The following HSD17B8 variants were observed in gnomAD, a reference collection of about 807,000 sequenced individuals.
HSD17B8 encodes (3R)-3-hydroxyacyl-CoA dehydrogenase.
A neutral mutation model predicts 33.2 loss-of-function variants in HSD17B8; 23 were observed. That is an observed-to-expected ratio of 0.69 (90% CI 0.50 to 0.98). The LOEUF (loss-of-function observed/expected upper bound fraction) is 0.98, where lower values mean the gene tolerates loss of function less well. HSD17B8 is among the 50% of genes least tolerant of loss of function. The pLI, the probability that HSD17B8 is intolerant of heterozygous loss-of-function variation, is 0.00. For missense variants in HSD17B8, 345 were observed against 347.5 expected, an observed-to-expected ratio of 0.99 and a Z score of 0.06; for synonymous variants, 137 against 138.6, an observed-to-expected ratio of 0.99 and a Z score of 0.08.
In HSD17B8 at chr6:33,206,821, C is replaced by A; in HGVS notation, c.*167C>A. The A allele has an allele frequency of 1.4e-6, 1 of 711,628 alleles. No individual in the cohort carries two copies. The allele number at this position is 711,628 out of a possible 1,614,324, so 44.1% of individuals were successfully genotyped here. ...GTGACCCTAATAAATTCCAAGTCCTCTTCCCTGCCACCTCCGGCTCTTCTT... is the reference window on the plus strand; with the variant it reads ...GTGACCCTAATAAATTCCAAGTCCTATTCCCTGCCACCTCCGGCTCTTCTT... On this transcript the variant is annotated 3_prime_UTR_variant, in exon 9 of 9. Coordinates refer to ENST00000374662, the MANE Select transcript of HSD17B8 (RefSeq NM_014234.5). The surrounding 1 kb of genome is among the most constrained non-coding windows in gnomAD (Gnocchi z 6.2).
At position 33,205,139 on chromosome 6, in the gene HSD17B8, C is replaced by G. The variant is rs762139963; in HGVS notation, c.270+20C>G. The stretch of plus-strand genomic sequence containing the variant: ...GTGCAGGTGAACGCTAGGCCACTTT[C>G]CCCCTCTAAAGCTCTGATATTGCCT... On this transcript the variant is annotated intron_variant, in intron 2 of 8. Coordinates refer to ENST00000374662, the MANE Select transcript of HSD17B8 (RefSeq NM_014234.5). This position sits in a 1 kb window ranked among gnomAD's most constrained non-coding sequence, Gnocchi z 5.0. 4 of 1,582,520 alleles carry G rather than the reference C, an allele frequency of 2.5e-6. No individual in the cohort carries two copies. The highest frequency in any genetic ancestry group is 2.2e-5 in the East Asian group (1 of 44,552).
At position 33,204,705 on chromosome 6, in the gene HSD17B8, C is replaced by G. The variant is rs759984516; in HGVS notation, c.37C>G (p.Leu13Val). ...GCTCCAGAACCGACTCCGCTCCGCA[C>G]TGGCCTTGGTCACAGGTTGAGGGGG... Reference protein sequence around the residue: ...SQLQNRLRSALALVTGAGSGI... With the variant: ...SQLQNRLRSAVALVTGAGSGI... The change falls in exon 1 of 9, where the codon CTG (leucine) becomes GTG (valine). Residue 13 changes from leucine to valine, a missense_variant. By Grantham distance (32) the Leu-to-Val change is conservative (BLOSUM62 1). Transcript: ENST00000374662. The G allele has an allele frequency of 6.2e-7, 1 of 1,613,094 alleles. No homozygotes were observed. Among genetic ancestry groups the G allele is most frequent in the Non-Finnish European group, 8.5e-7 (1 of 1,180,026 alleles).
In HSD17B8 at chr6:33,205,895, C is replaced by T; in HGVS notation, c.634C>T (p.Gln212Ter). ...AACACCCATGACACAGAAAGTGCCA[C>T]AGAAAGTGGTGGACAAGGTAGGAGG... ...IATPMTQKVP[Q>*]KVVDKITEMI... is the part of the protein sequence containing the mutation. The change falls in exon 6 of 9, where the codon CAG becomes TAG. Residue 212 changes from glutamine (Q) to a stop codon, truncating the protein, a stop_gained. Transcript: ENST00000374662. LOFTEE classifies it high-confidence loss of function. This position sits in a 1 kb window ranked among gnomAD's most constrained non-coding sequence, Gnocchi z 5.0. 6.2e-7 allele frequency: 1 copy of T among 1,612,658 alleles called. No homozygotes were observed. The highest frequency in any genetic ancestry group is 8.5e-7 in the Non-Finnish European group (1 of 1,179,828).
Position 33,205,927 on chromosome 6 carries a change from G to C in HSD17B8, c.651+15G>C. The C allele has an allele frequency of 6.3e-7, 1 of 1,595,250 alleles. No individual in the cohort carries two copies. Among genetic ancestry groups the C allele is most frequent in the Non-Finnish European group, 8.6e-7 (1 of 1,163,930 alleles). On this transcript the variant is annotated intron_variant, in intron 6 of 8. Transcript: ENST00000374662. The surrounding 1 kb of genome is among the most constrained non-coding windows in gnomAD (Gnocchi z 5.0). ...TGGTGGACAAGGTAGGAGGCTGTGGGTGGAGGGCAGAATCATTCAGAGACT... is the reference window on the plus strand; with the variant it reads ...TGGTGGACAAGGTAGGAGGCTGTGGCTGGAGGGCAGAATCATTCAGAGACT...
chr6:33,205,923 G>A lies in HSD17B8; in HGVS notation c.651+11G>A. The stretch of plus-strand genomic sequence containing the variant: ...AAAGTGGTGGACAAGGTAGGAGGCT[G>A]TGGGTGGAGGGCAGAATCATTCAGA... On this transcript the variant is annotated intron_variant, in intron 6 of 8. Transcript: ENST00000374662. This position sits in a 1 kb window ranked among gnomAD's most constrained non-coding sequence, Gnocchi z 5.0. 1 of 1,601,434 alleles carries A rather than the reference G, an allele frequency of 6.2e-7. No individual in the cohort carries two copies. The highest frequency in any genetic ancestry group is 8.6e-7 in the Non-Finnish European group (1 of 1,169,478).
chr6:33,204,768 C>T (rs777007739), intron 1 of HSD17B8, 48 bp downstream of exon 1: 14 of 1,608,544 alleles, frequency 8.7e-6, no homozygotes, highest in Non-Finnish European at 1.2e-5. Flanking sequence ...GGAGTGAGGT[C>T]AGGGGCGTGC....
Position 33,206,299 on chromosome 6 carries a change from C to A in HSD17B8, c.695-76C>A. On this transcript the variant is annotated intron_variant, in intron 7 of 8. Transcript: ENST00000374662. The surrounding 1 kb of genome is among the most constrained non-coding windows in gnomAD (Gnocchi z 6.2). The stretch of plus-strand genomic sequence containing the variant: ...TGGAGAGGTTTGTGGGGAGGGATGT[C>A]TTTGGTGGGAGATTATGGCTGTTTT... 1 of 1,557,008 alleles carries A rather than the reference C, an allele frequency of 6.4e-7. No homozygotes were observed. The highest frequency in any genetic ancestry group is 8.9e-7 in the Non-Finnish European group (1 of 1,129,696).
chr6:33,205,248 G>T lies in HSD17B8; in HGVS notation c.298G>T (p.Val100Phe), dbSNP rs759065768. ...CTGCTTTTCTCGCCCACCATCTGTC[G>T]TTGTGTCCTGTGCGGGCATCACCCA... ...QACFSRPPSV[V>F]VSCAGITQDE... is the part of the protein sequence containing the mutation. Residue 100 changes from valine to phenylalanine, a missense_variant, in exon 3 of 9, where the codon GTT (valine) becomes TTT (phenylalanine). Physicochemically the swap from Val to Phe is conservative, Grantham distance 50. Coordinates refer to ENST00000374662, the MANE Select transcript of HSD17B8 (RefSeq NM_014234.5). The surrounding 1 kb of genome is among the most constrained non-coding windows in gnomAD (Gnocchi z 5.0). 3.1e-6 allele frequency: 5 copies of T among 1,612,560 alleles called. No homozygotes were observed. Among genetic ancestry groups the T allele is most frequent in the Middle Eastern group, 1.6e-4 (1 of 6,062 alleles).
chr6:33,205,891 G>A lies in HSD17B8; in HGVS notation c.630G>A (p.Val210=). The A allele has an allele frequency of 6.2e-7, 1 of 1,612,800 alleles. No homozygotes were observed. Among genetic ancestry groups the A allele is most frequent in the Non-Finnish European group, 8.5e-7 (1 of 1,179,856 alleles). Residue 210 remains valine, a synonymous_variant, in exon 6 of 9, where the codon GTG becomes GTA. Coordinates refer to ENST00000374662, the MANE Select transcript of HSD17B8 (RefSeq NM_014234.5). This position sits in a 1 kb window ranked among gnomAD's most constrained non-coding sequence, Gnocchi z 5.0. ...TTGCAACACCCATGACACAGAAAGT[G>A]CCACAGAAAGTGGTGGACAAGGTAG... The part of the protein sequence containing the change: ...GFIATPMTQK[V]PQKVVDKITE...
At position 33,205,398 on chromosome 6, in the gene HSD17B8, G is replaced by C; in HGVS notation, c.388-49G>C. 1 of 1,606,352 alleles carries C rather than the reference G, an allele frequency of 6.2e-7. No homozygotes were observed. ...TAGCCTGGGGAGGGAGTTGGAGGAG[G>C]GCTGTCACCCCAGCTGATCTTTTCT... On this transcript the variant is annotated intron_variant, in intron 3 of 8. Coordinates refer to ENST00000374662, the MANE Select transcript of HSD17B8 (RefSeq NM_014234.5). This position sits in a 1 kb window ranked among gnomAD's most constrained non-coding sequence, Gnocchi z 5.0.
In HSD17B8 at chr6:33,205,519, A is replaced by G; in HGVS notation, c.460A>G (p.Ile154Val). ...TGGTTGTCGTGGTTCCATCATCAAC[A>G]TCAGTAGCATCGTAGGAAAGGTCAG... is the stretch of plus-strand genomic sequence containing the variant. ...SNGCRGSIINISSIVGKVGNV... is the reference protein window; with the variant it reads ...SNGCRGSIINVSSIVGKVGNV... The change falls in exon 4 of 9, where the codon ATC (isoleucine) becomes GTC (valine). Residue 154 changes from isoleucine (I) to valine (V), a missense_variant. Ile to Val is a conservative substitution (Grantham distance 29). Coordinates refer to ENST00000374662, the MANE Select transcript of HSD17B8 (RefSeq NM_014234.5). The surrounding 1 kb of genome is among the most constrained non-coding windows in gnomAD (Gnocchi z 5.0). 1 of 1,613,042 alleles carries G rather than the reference A, an allele frequency of 6.2e-7. No individual in the cohort carries two copies. Among genetic ancestry groups the G allele is most frequent in the Non-Finnish European group, 8.5e-7 (1 of 1,179,988 alleles).
chr6:33,206,267 G>T lies in HSD17B8; in HGVS notation c.694+91G>T, dbSNP rs1775056189. The stretch of plus-strand genomic sequence containing the variant: ...GGATTTTCTAGGGGACTGGTGGTTG[G>T]TGTCTGTGGAGAGGTTTGTGGGGAG... On this transcript the variant is annotated intron_variant, in intron 7 of 8. Coordinates refer to ENST00000374662, the MANE Select transcript of HSD17B8 (RefSeq NM_014234.5). The surrounding 1 kb of genome is among the most constrained non-coding windows in gnomAD (Gnocchi z 6.2). 6.4e-7 allele frequency: 1 copy of T among 1,556,928 alleles called. No individual in the cohort carries two copies. The highest frequency in any genetic ancestry group is 1.7e-5 in the Admixed American group (1 of 59,592).
In HSD17B8 at chr6:33,206,407, G is replaced by GA. The variant is rs1168518494; in HGVS notation, c.729dup (p.Asp244ArgfsTer2). 3 of 1,614,022 alleles carry GA rather than the reference G, an allele frequency of 1.9e-6. No homozygotes were observed. The highest frequency in any genetic ancestry group is 2.5e-6 in the Non-Finnish European group (3 of 1,180,010). ...AGATGTGGTCGCATTCTTGGCATCT[G>GA]AAGATAGTGGATACATCACAGGGAC... On this transcript the variant is annotated frameshift_variant, in exon 8 of 9. Transcript: ENST00000374662. LOFTEE classifies it high-confidence loss of function. This position sits in a 1 kb window ranked among gnomAD's most constrained non-coding sequence, Gnocchi z 6.2.
In HSD17B8 at chr6:33,205,092, C is replaced by T. The variant is rs758449941; in HGVS notation, c.243C>T (p.Ala81=). The change falls in exon 2 of 9, where the codon GCC becomes GCT. Residue 81 remains alanine (A), a synonymous_variant. Transcript: ENST00000374662. The surrounding 1 kb of genome is among the most constrained non-coding windows in gnomAD (Gnocchi z 5.0). ...AFQADVSEAR[A]ARCLLEQVQA... ...AGGCTGACGTGTCTGAGGCCAGGGCCGCCAGGTGCCTGCTGGAACAAGTGC... is the reference window on the plus strand; with the variant it reads ...AGGCTGACGTGTCTGAGGCCAGGGCTGCCAGGTGCCTGCTGGAACAAGTGC... 5 of 1,565,576 alleles carry T rather than the reference C, an allele frequency of 3.2e-6. No homozygotes were observed. The highest frequency in any genetic ancestry group is 4.3e-6 in the Non-Finnish European group (5 of 1,155,448).
At position 33,205,683 on chromosome 6, in the gene HSD17B8, G is replaced by A. The variant is rs1313193961; in HGVS notation, c.524G>A (p.Gly175Glu). 6.2e-7 allele frequency: 1 copy of A among 1,612,970 alleles called. No homozygotes were observed. Among genetic ancestry groups the A allele is most frequent in the African/African-American group, 1.3e-5 (1 of 74,922 alleles). ...GQTNYAASKAGVIGLTQTAAR... is the reference protein window; with the variant it reads ...GQTNYAASKAEVIGLTQTAAR... ...ACAAACTATGCAGCATCCAAGGCTGGAGTGATTGGGCTGACCCAGACCGCA... is the reference window on the plus strand; with the variant it reads ...ACAAACTATGCAGCATCCAAGGCTGAAGTGATTGGGCTGACCCAGACCGCA... The change falls in exon 5 of 9, where the codon GGA becomes GAA. Residue 175 changes from glycine to glutamate, a missense_variant. Physicochemically the swap from Gly to Glu is moderately conservative, Grantham distance 98 (BLOSUM62 -2). Transcript: ENST00000374662. The surrounding 1 kb of genome is among the most constrained non-coding windows in gnomAD (Gnocchi z 5.0).
In HSD17B8 at chr6:33,206,150, C is replaced by T. The variant is rs772307212; in HGVS notation, c.668C>T (p.Pro223Leu). Reference protein sequence around the residue: ...KVVDKITEMIPMGHLGDPEDV... With the variant: ...KVVDKITEMILMGHLGDPEDV... ...TCCTTACAGATTACTGAAATGATCC[C>T]GATGGGACACTTGGGGGACCCTGAG... is the stretch of plus-strand genomic sequence containing the variant. Residue 223 changes from proline (P) to leucine (L), a missense_variant, in exon 7 of 9, where the codon CCG (proline) becomes CTG (leucine). Physicochemically the swap from Pro to Leu is moderately conservative, Grantham distance 98. Coordinates refer to ENST00000374662, the MANE Select transcript of HSD17B8 (RefSeq NM_014234.5). This position sits in a 1 kb window ranked among gnomAD's most constrained non-coding sequence, Gnocchi z 6.2. 1.9e-6 allele frequency: 3 copies of T among 1,612,850 alleles called. No individual in the cohort carries two copies. Among genetic ancestry groups the T allele is most frequent in the Non-Finnish European group, 8.5e-7 (1 of 1,179,898 alleles).
chr6:33,205,110 A>G lies in HSD17B8; in HGVS notation c.261A>G (p.Glu87=). 5.7e-6 allele frequency: 9 copies of G among 1,569,600 alleles called. No individual in the cohort carries two copies. The highest frequency in any genetic ancestry group is 6.0e-6 in the Non-Finnish European group (7 of 1,157,208). ...CCAGGGCCGCCAGGTGCCTGCTGGA[A>G]CAAGTGCAGGTGAACGCTAGGCCAC... ...SEARAARCLL[E]QVQACFSRPP... Residue 87 remains glutamate, a synonymous_variant, in exon 2 of 9, where the codon GAA becomes GAG. Transcript: ENST00000374662. The surrounding 1 kb of genome is among the most constrained non-coding windows in gnomAD (Gnocchi z 5.0).
In HSD17B8 at chr6:33,206,476, G is replaced by C; in HGVS notation, c.769+27G>C. ...TATGAGGCCAGCATGGGGAGGGAGAGGGCAGAGAAGTAGAACCCAGACTAT... is the reference window on the plus strand; with the variant it reads ...TATGAGGCCAGCATGGGGAGGGAGACGGCAGAGAAGTAGAACCCAGACTAT... On this transcript the variant is annotated intron_variant, in intron 8 of 8. Transcript: ENST00000374662. This position sits in a 1 kb window ranked among gnomAD's most constrained non-coding sequence, Gnocchi z 6.2. 1 of 1,600,540 alleles carries C rather than the reference G, an allele frequency of 6.2e-7. No individual in the cohort carries two copies. The highest frequency in any genetic ancestry group is 8.6e-7 in the Non-Finnish European group (1 of 1,167,694).
At position 33,206,201 on chromosome 6, in the gene HSD17B8, C is replaced by A; in HGVS notation, c.694+25C>A. ...GGTGAGCACTGAATGTAGTGGGGTC[C>A]CTGGGAAGGGGGCCTGAATGAAGAG... On this transcript the variant is annotated intron_variant, in intron 7 of 8. Coordinates refer to ENST00000374662, the MANE Select transcript of HSD17B8 (RefSeq NM_014234.5). This position sits in a 1 kb window ranked among gnomAD's most constrained non-coding sequence, Gnocchi z 6.2. 3 of 1,610,462 alleles carry A rather than the reference C, an allele frequency of 1.9e-6. No individual in the cohort carries two copies. The highest frequency in any genetic ancestry group is 2.5e-6 in the Non-Finnish European group (3 of 1,178,236).
Sources: allele counts gnomAD v4.1 joint callset, GRCh38; gene constraint gnomAD v4.1.1; non-coding constraint Gnocchi (gnomAD v3.1); transcripts MANE v1.5; gene names NCBI Gene and HGNC (gene_info 2026-07-23, HGNC 2026-07-21).